The following THSD7B variants were observed in gnomAD, a reference collection of about 807,000 sequenced individuals.
THSD7B encodes thrombospondin type 1 domain containing 7B, also known as thrombospondin type-1 domain-containing protein 7B.
Under a neutral mutation model 213.6 loss-of-function variants are expected in THSD7B, and 138 were observed. The ratio of observed to expected loss-of-function variants is 0.65; its 90% CI spans 0.56 to 0.74. The LOEUF is 0.74. Among genes scored for constraint, THSD7B ranks in the 30% least tolerant of loss-of-function variants. The pLI is 0.00. For missense variants in THSD7B, 1,931 were observed against 1,991.5 expected, an observed-to-expected ratio of 0.97 and a Z score of 0.58; for synonymous variants, 742 against 687.0, an observed-to-expected ratio of 1.08 and a Z score of -1.25.
At chr2:137,424,226 C>T (rs755950018) in intron 14 of THSD7B, among the ~76,000 whole-genome samples, 3 of 151,988 alleles carry the variant, frequency 2.0e-5, no homozygotes, top group Admixed American at 6.6e-5. Flanking sequence ...AACTTAAAAG[C>T]ATATCTTCTA....
At chr2:137,177,528 G>A (rs1355535597) in intron 7 of THSD7B, among the ~76,000 whole-genome samples, 1 of 152,066 alleles carries the variant, frequency 6.6e-6, no homozygotes, top group Non-Finnish European at 1.5e-5. Context: ...TCACCTGGTG[G>A]GCTTGTAAAA....
At chr2:137,641,507 C>T (rs1168435905) in intron 20 of THSD7B, among the ~76,000 whole-genome samples, 1 of 152,200 alleles carries the variant, frequency 6.6e-6, no homozygotes, top group Non-Finnish European at 1.5e-5. Flanking sequence ...CACTGGAAGT[C>T]CACCATATTC....
chr2:136,993,282 T>A (rs934344566), intron 2 of THSD7B, among the ~76,000 whole-genome samples: 3 of 152,248 alleles, frequency 2.0e-5, no homozygotes, highest in Middle Eastern at 3.4e-3. Context: ...TCAGACAGTA[T>A]AAAAAGCAAG....
intron 1 of THSD7B, among the ~76,000 whole-genome samples, chr2:136,780,306 A>G (rs1263743331): frequency 1.3e-5 from 2 of 152,102 alleles, no homozygotes; most frequent in Admixed American, 1.3e-4. Flanking sequence ...CCACTCTCAC[A>G]GCCCTTTTAC....
intron 15 of THSD7B, among the ~76,000 whole-genome samples, chr2:137,507,127 A>G (rs1294619233): frequency 6.6e-6 from 1 of 152,204 alleles, no homozygotes; most frequent in Non-Finnish European, 1.5e-5. Flanking sequence ...TCATTCATAC[A>G]AAATCTGGCC....
In THSD7B at chr2:137,666,453, C is replaced by T. The variant is rs554598254; in HGVS notation, c.4652-1321C>T. ...CTTGAAAGTGTCCTATAAGCAAAAA[C>T]TATAATAGGTAGTTGTAATGTAATT... On this transcript the variant is annotated intron_variant, in intron 26 of 27. Coordinates refer to ENST00000409968, the MANE Select transcript of THSD7B (RefSeq NM_001316349.2). Among the ~76,000 whole-genome samples the T allele has an allele frequency of 9.9e-5, 15 of 151,978 alleles. 1 individual carries two copies. Among genetic ancestry groups the T allele is most frequent in the Middle Eastern group, 3.4e-3 (1 of 294 alleles).
At chr2:136,941,393 A>G (rs1222521182) in intron 2 of THSD7B, among the ~76,000 whole-genome samples, 1 of 152,184 alleles carries the variant, frequency 6.6e-6, no homozygotes, top group African/African-American at 2.4e-5. Context: ...GCTGAGTCAA[A>G]TGGTATTTCT....
chr2:137,301,171 A>G (rs1268794023), intron 12 of THSD7B, among the ~76,000 whole-genome samples: 2 of 152,080 alleles, frequency 1.3e-5, no homozygotes, highest in African/African-American at 4.8e-5. Context: ...AATGTTCACT[A>G]CAGACATTAA....
intron 12 of THSD7B, among the ~76,000 whole-genome samples, chr2:137,362,070 G>C (rs1337785705): frequency 6.6e-6 from 1 of 152,096 alleles, no homozygotes; most frequent in Non-Finnish European, 1.5e-5. Context: ...GAGAGTGGGG[G>C]CCAATATTCA....
At chr2:137,470,859 T>A (rs60794229) in intron 15 of THSD7B, among the ~76,000 whole-genome samples, 2 of 152,134 alleles carry the variant, frequency 1.3e-5, no homozygotes, top group East Asian at 3.9e-4. Context: ...GTATAATGAC[T>A]GTCTTCCCTC....
intron 12 of THSD7B, among the ~76,000 whole-genome samples, chr2:137,324,687 T>C (rs184161707): frequency 5.0e-4 from 76 of 152,272 alleles, no homozygotes; most frequent in African/African-American, 1.8e-3. Context: ...TAAGGGAAAG[T>C]GTATATTTCT....
chr2:137,270,225 T>C (rs1682700958), intron 10 of THSD7B, among the ~76,000 whole-genome samples: 1 of 152,100 alleles, frequency 6.6e-6, no homozygotes. Context: ...CCTCTTGCCC[T>C]TTTTTTCTTT....
chr2:137,412,965 G>A (rs1558789183), intron 14 of THSD7B, among the ~76,000 whole-genome samples: 1 of 150,652 alleles, frequency 6.6e-6, no homozygotes. Flanking sequence ...TTTGGTCTTA[G>A]TCATCAAGGT....
intron 2 of THSD7B, among the ~76,000 whole-genome samples, chr2:136,928,958 ATTAG>A (rs1684587606): frequency 6.6e-6 from 1 of 152,216 alleles, no homozygotes; most frequent in Admixed American, 6.5e-5. Context: ...TTACCAGAGT[ATTAG>A]TTACTAGAGA....
At chr2:136,967,748 G>C (rs932129740) in intron 2 of THSD7B, among the ~76,000 whole-genome samples, 9 of 152,096 alleles carry the variant, frequency 5.9e-5, no homozygotes, top group African/African-American at 2.2e-4. Flanking sequence ...CTCTTACCCA[G>C]AGGAAAGCAC....
At chr2:136,865,113 G>T (rs1210631005) in intron 1 of THSD7B, among the ~76,000 whole-genome samples, 1 of 152,154 alleles carries the variant, frequency 6.6e-6, no homozygotes, top group Non-Finnish European at 1.5e-5. Flanking sequence ...ACCTGGCCAG[G>T]TACTGTGAAT....
Position 136,948,832 on chromosome 2 carries a change from T to A in THSD7B, c.139+66515T>A, listed in dbSNP as rs374096123. On this transcript the variant is annotated intron_variant, in intron 2 of 27. Coordinates refer to ENST00000409968, the MANE Select transcript of THSD7B (RefSeq NM_001316349.2). The stretch of plus-strand genomic sequence containing the variant: ...GTATGTGAGAGATATATTCCTGATC[T>A]ATGCAGGAAAGATGCAGAATTTAAA... Among the ~76,000 whole-genome samples the A allele has an allele frequency of 1.7e-4, 26 of 152,318 alleles. No individual in the cohort carries two copies. In the East Asian group the frequency reaches 2.3e-3, roughly 14 times the overall value.
At chr2:137,355,316 A>G (rs1685102924) in intron 12 of THSD7B, among the ~76,000 whole-genome samples, 1 of 152,188 alleles carries the variant, frequency 6.6e-6, no homozygotes, top group Non-Finnish European at 1.5e-5. Flanking sequence ...AAAATGGCCC[A>G]TTGAAACTTG....
At chr2:137,333,944 G>GT (rs1448498687) in intron 12 of THSD7B, among the ~76,000 whole-genome samples, 1 of 152,092 alleles carries the variant, frequency 6.6e-6, no homozygotes, top group Non-Finnish European at 1.5e-5. Context: ...TAAACCAAAA[G>GT]TTTGCAAACT....
Sources: gnomAD v4.1 joint callset for allele counts (sites outside exome capture counted in the v4.1 genomes callset) on GRCh38, gnomAD v4.1.1 for gene constraint, MANE v1.5 for transcripts, NCBI Gene and HGNC (gene_info 2026-07-23, HGNC 2026-07-21) for gene names.